The following RBFOX1 variants were observed in gnomAD, a reference collection of about 807,000 sequenced individuals.
RBFOX1 encodes RNA binding protein fox-1 homolog 1.
RBFOX1 carries 8 observed loss-of-function variants against 57.7 expected under a neutral mutation model. The observed-to-expected ratio is 0.14, with a 90% CI of 0.08 to 0.25. RBFOX1 has a LOEUF of 0.25. RBFOX1 is among the 10% of genes least tolerant of loss of function. RBFOX1 has a pLI of 1.00. For synonymous variants in RBFOX1, 326 were observed against 222.4 expected (o/e 1.47, Z -4.15); for missense variants, 611 against 548.5 (o/e 1.11, Z -1.14).
intron 3 of RBFOX1, among the ~76,000 whole-genome samples, chr16:7,029,681 A>C (rs1304622052): frequency 2.0e-5 from 3 of 152,166 alleles, no homozygotes; most frequent in Admixed American, 2.0e-4. Context: ...TTCAAAACAG[A>C]TGAAAGAAGC....
chr16:6,948,212 G>C (rs1025925010), intron 3 of RBFOX1, among the ~76,000 whole-genome samples: 2 of 151,922 alleles, frequency 1.3e-5, no homozygotes, highest in African/African-American at 4.8e-5. Flanking sequence ...TGAGAGGATG[G>C]CTTGAGCTGA....
At chr16:5,416,958 C>T (rs2067178468) in intron 1 of RBFOX1, among the ~76,000 whole-genome samples, 1 of 152,114 alleles carries the variant, frequency 6.6e-6, no homozygotes, top group African/African-American at 2.4e-5. Context: ...CAGGGCACAG[C>T]AATGAAAAGT....
intron 15 of RBFOX1, chr16:7,710,124 T>TACAACTCC: frequency 9.8e-7 from 1 of 1,020,108 alleles, no homozygotes; most frequent in Non-Finnish European, 1.2e-6. Context: ...AATTCATCTG[T>TACAACTCC]ACAACTCCAC....
At chr16:5,371,058 C>T (rs1373034766) in intron 1 of RBFOX1, among the ~76,000 whole-genome samples, 1 of 152,220 alleles carries the variant, frequency 6.6e-6, no homozygotes, top group East Asian at 1.9e-4. Flanking sequence ...GGCGATTCTC[C>T]TGCCTTAGCC....
chr16:5,737,315 C>T (rs1005621508), intron 3 of RBFOX1, among the ~76,000 whole-genome samples: 1 of 151,980 alleles, frequency 6.6e-6, no homozygotes, highest in African/African-American at 2.4e-5. Context: ...AAAACTCGGT[C>T]TCTCCTAAAA....
At chr16:6,676,149 CA>C in intron 3 of RBFOX1, among the ~76,000 whole-genome samples, 1 of 38,680 alleles carries the variant, frequency 2.6e-5, no homozygotes, top group East Asian at 9.6e-4. Context: ...CGCGCACACA[CA>C]CACACACACA....
chr16:5,410,831 C>G lies in RBFOX1; in HGVS notation c.220-56385C>G, dbSNP rs371193853. The stretch of plus-strand genomic sequence containing the variant: ...AAACCCCAACTGAAAGTACTTGAAG[C>G]TAGACATCAGAGTGAGTCATATACG... On this transcript the variant is annotated intron_variant, in intron 1 of 2. Coordinates refer to the RBFOX1 transcript ENST00000585867. Among the ~76,000 whole-genome samples the G allele has an allele frequency of 5.9e-5, 9 of 152,338 alleles. No individual in the cohort carries two copies. The East Asian group carries it at 1.2e-3, about 20-fold the overall frequency.
At chr16:6,883,031 C>G (rs1239558594) in intron 3 of RBFOX1, among the ~76,000 whole-genome samples, 2 of 152,168 alleles carry the variant, frequency 1.3e-5, no homozygotes, top group Non-Finnish European at 2.9e-5. Context: ...TTCTAGATAA[C>G]CCATATGTCT....
intron 1 of RBFOX1, among the ~76,000 whole-genome samples, chr16:5,401,809 T>C (rs73520496): frequency 0.015 from 2,119 of 137,330 alleles, 49 homozygotes; most frequent in African/African-American, 0.055. Flanking sequence ...TCCTCCTCCT[T>C]CTCCTTCTCG....
At chr16:7,236,369 A>G (rs891168656) in intron 4 of RBFOX1, among the ~76,000 whole-genome samples, 1 of 152,064 alleles carries the variant, frequency 6.6e-6, no homozygotes, top group Non-Finnish European at 1.5e-5. Context: ...TCCCCTTCCT[A>G]TTTTGTCTAG....
At chr16:6,169,125 T>A (rs1389738665) in intron 1 of RBFOX1, among the ~76,000 whole-genome samples, 1 of 152,150 alleles carries the variant, frequency 6.6e-6, no homozygotes, top group East Asian at 1.9e-4. Flanking sequence ...CCAGGCAGAT[T>A]AGCAAGGGGA....
intron 4 of RBFOX1, among the ~76,000 whole-genome samples, chr16:7,236,898 G>T (rs1033457169): frequency 6.6e-6 from 1 of 152,120 alleles, no homozygotes; most frequent in African/African-American, 2.4e-5. Context: ...CTGTTGTTGG[G>T]AGGATTTCTA....
intron 2 of RBFOX1, among the ~76,000 whole-genome samples, chr16:6,399,368 C>T (rs1042849423): frequency 4.6e-5 from 7 of 152,192 alleles, no homozygotes; most frequent in African/African-American, 1.7e-4. Context: ...ATTTCTTCCA[C>T]CAGATATGCG....
chr16:6,076,783 G>T (rs1445709960), intron 1 of RBFOX1, among the ~76,000 whole-genome samples: 5 of 152,168 alleles, frequency 3.3e-5, no homozygotes, highest in Admixed American at 2.6e-4. Flanking sequence ...GACAGATGGG[G>T]TCATTCATCT....
At chr16:6,356,922 A>G (rs904876366) in intron 2 of RBFOX1, among the ~76,000 whole-genome samples, 2 of 152,182 alleles carry the variant, frequency 1.3e-5, no homozygotes, top group East Asian at 3.9e-4. Flanking sequence ...TAAAAATGAA[A>G]TAAGTCTATG....
intron 4 of RBFOX1, among the ~76,000 whole-genome samples, chr16:5,967,884 T>C (rs1567201590): frequency 1.3e-5 from 2 of 152,214 alleles, no homozygotes; most frequent in African/African-American, 2.4e-5. Flanking sequence ...TTTTGTTTTG[T>C]TTTGCTTTGC....
chr16:6,768,471 G>A (rs917113041), intron 3 of RBFOX1, among the ~76,000 whole-genome samples: 1 of 151,708 alleles, frequency 6.6e-6, no homozygotes, highest in Non-Finnish European at 1.5e-5. Context: ...GCCCACACAA[G>A]CCTTCTAAAT....
intron 5 of RBFOX1, among the ~76,000 whole-genome samples, chr16:7,562,662 C>T (rs1048365397): frequency 1.3e-5 from 2 of 152,182 alleles, no homozygotes; most frequent in African/African-American, 4.8e-5. Flanking sequence ...CATTTGATTT[C>T]ATTAGCTGCC....
At chr16:7,305,281 C>G (rs1415276493) in intron 4 of RBFOX1, among the ~76,000 whole-genome samples, 1 of 152,062 alleles carries the variant, frequency 6.6e-6, no homozygotes, top group Non-Finnish European at 1.5e-5. Context: ...GGGACCCTCT[C>G]TGCTCTGTCA....
Sources: allele counts gnomAD v4.1 joint callset (sites outside exome capture counted in the v4.1 genomes callset), GRCh38; gene constraint gnomAD v4.1.1; transcripts MANE v1.5; gene names NCBI Gene and HGNC (gene_info 2026-07-23, HGNC 2026-07-21).